ABCB1: variants seen among roughly 807,000 people sequenced by gnomAD.
ABCB1 encodes ATP-dependent translocase ABCB1.
ABCB1 carries 69 observed loss-of-function variants against 142.0 expected under a neutral mutation model. The ratio of observed to expected loss-of-function variants is 0.49; its 90% CI spans 0.40 to 0.59. The LOEUF (loss-of-function observed/expected upper bound fraction) is 0.59, where lower values mean the gene tolerates loss of function less well. Among genes scored for constraint, ABCB1 ranks in the 20% least tolerant of loss-of-function variants. The probability of loss-of-function intolerance (pLI) is 0.00; values close to 1 mark genes in which losing one functional copy is unlikely to be tolerated. For missense variants in ABCB1, 1,326 were observed against 1,554.7 expected (o/e 0.85, Z 2.47); for synonymous variants, 532 against 539.2 (o/e 0.99, Z 0.18).
At chr7:87,652,802 C>G (rs750846937) in intron 1 of ABCB1, among the ~76,000 whole-genome samples, 1 of 151,744 alleles carries the variant, frequency 6.6e-6, no homozygotes, top group Non-Finnish European at 1.5e-5. Flanking sequence ...TGATAGTACA[C>G]TCTTCACTTA....
intron 26 of ABCB1, 96 bp downstream of exon 26, chr7:87,509,179 C>T: frequency 7.7e-7 from 1 of 1,292,680 alleles, no homozygotes; most frequent in East Asian, 2.3e-5. Context: ...TTGCTAATTT[C>T]TCTTCACTTC....
intron 1 of ABCB1, among the ~76,000 whole-genome samples, chr7:87,626,881 T>G (rs1820693373): frequency 6.6e-6 from 1 of 151,928 alleles, no homozygotes; most frequent in African/African-American, 2.4e-5. Flanking sequence ...GTTCAAACGA[T>G]TCTCCTGCCT....
intron 8 of ABCB1, among the ~76,000 whole-genome samples, chr7:87,560,515 T>C (rs1258059871): frequency 3.3e-5 from 5 of 152,218 alleles, no homozygotes; most frequent in Non-Finnish European, 7.3e-5. Flanking sequence ...ACCATTATTC[T>C]GATTTCTGAA....
chr7:87,638,345 T>TTGTGTGTGTGTGTG lies in ABCB1; in HGVS notation c.-330-37281_-330-37268dup, dbSNP rs71524692. On this transcript the variant is annotated intron_variant, in intron 1 of 28. Transcript: ENST00000265724. ...ATAAAACAAGTTAGGAAGTATGTGTTTGTGTGTGTGTGTGTGTGTGTGTGT... is the reference window on the plus strand; with the variant it reads ...ATAAAACAAGTTAGGAAGTATGTGTTTGTGTGTGTGTGTGTGTGTGTGTGTGTGTGTGTGTGTGT... Among the ~76,000 whole-genome samples the TTGTGTGTGTGTGTG allele has an allele frequency of 9.8e-3, 1,414 of 144,766 alleles. 24 individuals carry two copies. The highest frequency in any genetic ancestry group is 0.029 in the African/African-American group (1,121 of 39,242). 95.0% of individuals were successfully genotyped at this position (144,766 alleles called of 152,430 possible).
At chr7:87,624,706 G>T (rs1001242310) in intron 1 of ABCB1, among the ~76,000 whole-genome samples, 2 of 152,116 alleles carry the variant, frequency 1.3e-5, no homozygotes, top group African/African-American at 4.8e-5. Flanking sequence ...TTCTATAATA[G>T]TATTATGCTG....
Position 87,545,859 on chromosome 7 carries a change from A to C in ABCB1, c.1887+4T>G, listed in dbSNP as rs201859423. On this transcript the variant is annotated splice_donor_region_variant and intron_variant, in intron 15 of 27. Coordinates refer to ENST00000622132, the MANE Select transcript of ABCB1 (RefSeq NM_001348946.2). Reference sequence around the variant, plus strand: ...CTTAGGAAAATTCTGAAGTTAAACTATACCTGCATTGTGACAAGTTTGAAG... The same window carrying C: ...CTTAGGAAAATTCTGAAGTTAAACTCTACCTGCATTGTGACAAGTTTGAAG... The C allele has an allele frequency of 4.4e-4, 708 of 1,613,878 alleles. No homozygotes were observed. Among genetic ancestry groups the C allele is most frequent in the Non-Finnish European group, 5.4e-4 (635 of 1,179,938 alleles).
chr7:87,578,301 G>A (rs1038689594), intron 4 of ABCB1, among the ~76,000 whole-genome samples: 5 of 152,024 alleles, frequency 3.3e-5, no homozygotes, highest in Admixed American at 3.3e-4. Context: ...TTTGTACCAT[G>A]GTGTTTTGGT....
At position 87,546,116 on chromosome 7, in the gene ABCB1, G is replaced by T. The variant is rs577281007; in HGVS notation, c.1726-92C>A. On this transcript the variant is annotated intron_variant, in intron 14 of 27. Coordinates refer to ENST00000622132, the MANE Select transcript of ABCB1 (RefSeq NM_001348946.2). ...ATATATTTACTGAACCAATGCTGTGGGCATTGTAAAACCATCAAATCTATA... is the reference window on the plus strand; with the variant it reads ...ATATATTTACTGAACCAATGCTGTGTGCATTGTAAAACCATCAAATCTATA... 19 of 1,314,184 alleles carry T rather than the reference G, an allele frequency of 1.4e-5. No individual in the cohort carries two copies. The South Asian group carries it at 2.2e-4, about 15-fold the overall frequency. The allele number at this position is 1,314,184 out of a possible 1,614,324, so 81.4% of individuals were successfully genotyped here.
chr7:87,508,734 A>G (rs202078005), intron 26 of ABCB1, among the ~76,000 whole-genome samples: 138 of 152,284 alleles, frequency 9.1e-4, no homozygotes, highest in East Asian at 5.4e-3. Flanking sequence ...TCTTTCTGGC[A>G]TGGGTTCAGC....
rs569362690 is a variant in ABCB1, at chr7:87,613,712, G to A, written c.-330-12634C>T. Among the ~76,000 whole-genome samples the A allele has an allele frequency of 1.1e-4, 17 of 152,212 alleles. No homozygotes were observed. In the South Asian group the frequency reaches 1.9e-3, roughly 17 times the overall value. ...TGGAGTCTACTAAAGAGGGAGAGAGGGAGGGGAGCAAGAGTTGATCTATTG... is the reference window on the plus strand; with the variant it reads ...TGGAGTCTACTAAAGAGGGAGAGAGAGAGGGGAGCAAGAGTTGATCTATTG... On this transcript the variant is annotated intron_variant, in intron 1 of 28. Coordinates refer to the ABCB1 transcript ENST00000265724.
At chr7:87,513,134 T>G (rs913273796) in intron 25 of ABCB1, among the ~76,000 whole-genome samples, 9 of 152,214 alleles carry the variant, frequency 5.9e-5, no homozygotes, top group African/African-American at 1.7e-4. Flanking sequence ...TCTAGTCTCG[T>G]GTCTTTAAAT....
chr7:87,597,190 A>G (rs1444486926), intron 2 of ABCB1, among the ~76,000 whole-genome samples: 4 of 152,008 alleles, frequency 2.6e-5, no homozygotes, highest in African/African-American at 9.7e-5. Flanking sequence ...TTTCTGAGAT[A>G]CTGCATCGCA....
intron 20 of ABCB1, among the ~76,000 whole-genome samples, chr7:87,533,257 G>T (rs1041970922): frequency 6.6e-6 from 1 of 152,106 alleles, no homozygotes; most frequent in African/African-American, 2.4e-5. Context: ...GTATCTACAA[G>T]TTCTACTCAG....
intron 1 of ABCB1, among the ~76,000 whole-genome samples, chr7:87,706,802 T>A (rs1829634627): frequency 1.3e-5 from 2 of 152,158 alleles, no homozygotes; most frequent in South Asian, 4.1e-4. Context: ...GCATGCAGTT[T>A]TCCTATGGGG....
Position 87,566,940 on chromosome 7 carries a change from C to T in ABCB1, c.375G>A (p.Val125=). The T allele has an allele frequency of 6.2e-7, 1 of 1,614,152 alleles. No individual in the cohort carries two copies. Among genetic ancestry groups the T allele is most frequent in the Non-Finnish European group, 8.5e-7 (1 of 1,180,000 alleles). ...AYYYSGIGAG[V]LVAAYIQVSF... is the part of the protein sequence containing the mutation. ...AAACCTGAATGTAAGCAGCAACCAGCACCCCAGCACCAATTCCACTGTAAT... is the reference window on the plus strand; with the variant it reads ...AAACCTGAATGTAAGCAGCAACCAGTACCCCAGCACCAATTCCACTGTAAT... The change falls in exon 6 of 28, where the codon GTG becomes GTA. Residue 125 remains valine (V), a synonymous_variant. Coordinates refer to ENST00000622132, the MANE Select transcript of ABCB1 (RefSeq NM_001348946.2).
chr7:87,692,683 T>G (rs542984203), intron 1 of ABCB1, among the ~76,000 whole-genome samples: 6 of 152,200 alleles, frequency 3.9e-5, no homozygotes, highest in Non-Finnish European at 8.8e-5. Flanking sequence ...TAGAGAACTT[T>G]GTTTTAGGAC....
chr7:87,625,901 G>A (rs1820405193), intron 1 of ABCB1, among the ~76,000 whole-genome samples: 1 of 151,084 alleles, frequency 6.6e-6, no homozygotes, highest in Non-Finnish European at 1.5e-5. Flanking sequence ...AAATTTTAAT[G>A]TATGAATGAA....
At chr7:87,520,703 T>A in intron 22 of ABCB1, 73 bp downstream of exon 22, 1 of 1,344,316 alleles carries the variant, frequency 7.4e-7, no homozygotes, top group Non-Finnish European at 1.1e-6. Flanking sequence ...CTAGCCAAAG[T>A]AATCCCTCTG....
At position 87,679,016 on chromosome 7, in the gene ABCB1, CAG is replaced by C. The variant is rs924393737; in HGVS notation, c.-331+34143_-331+34144del. On this transcript the variant is annotated intron_variant, in intron 1 of 28. Transcript: ENST00000265724. ...CTCTCATAATAGTAGATCAAGTAAA[CAG>C]AAAATTAGTAAGGGTACAAATGATC... Among the ~76,000 whole-genome samples, 81 of 149,186 alleles carry C rather than the reference CAG, an allele frequency of 5.4e-4. 2 individuals are homozygous for C. The highest frequency in any genetic ancestry group is 2.0e-3 in the African/African-American group (80 of 40,290).
Sources: allele counts gnomAD v4.1 joint callset (sites outside exome capture counted in the v4.1 genomes callset), GRCh38; gene constraint gnomAD v4.1.1; transcripts MANE v1.5; gene names NCBI Gene and HGNC (gene_info 2026-07-23, HGNC 2026-07-21).